Variants in MYO5A observed in about 807,000 individuals in gnomAD.
MYO5A encodes myosin VA, also known as unconventional myosin-Va.
A neutral mutation model predicts 249.7 loss-of-function variants in MYO5A; 98 were observed. That is an observed-to-expected ratio of 0.39 (90% CI 0.33 to 0.46). The LOEUF (loss-of-function observed/expected upper bound fraction) is 0.46, where lower values mean the gene tolerates loss of function less well. MYO5A is among the 20% of genes least tolerant of loss of function. The pLI is 0.98. For synonymous variants in MYO5A, 778 were observed against 810.6 expected (o/e 0.96, Z 0.68); for missense variants, 1,696 against 2,308.8 (o/e 0.73, Z 5.44).
At chr15:52,443,569 G>C (rs2075827119) in intron 1 of MYO5A, among the ~76,000 whole-genome samples, 1 of 151,636 alleles carries the variant, frequency 6.6e-6, no homozygotes, top group African/African-American at 2.4e-5. Flanking sequence ...AAATTAGCTG[G>C]GCATGGTGGT....
At chr15:52,461,702 C>T (rs1461440579) in intron 1 of MYO5A, among the ~76,000 whole-genome samples, 2 of 152,194 alleles carry the variant, frequency 1.3e-5, no homozygotes, top group Non-Finnish European at 2.9e-5. Flanking sequence ...GTCATTCACG[C>T]CTGTAATCCC....
At position 52,346,440 on chromosome 15, in the gene MYO5A, T is replaced by C. The variant is rs1162909820; in HGVS notation, c.3880A>G (p.Ile1294Val). The stretch of plus-strand genomic sequence containing the variant: ...ATTTTTTGTACATCTTCCAAAAGTA[T>C]TGTGGAATCTGTCATTGTATTCTGA... The part of the protein sequence containing the change: ...DDKNTMTDST[I>V]LLEDVQKMKD... The change falls in exon 30 of 42, where the codon ATA becomes GTA. Residue 1294 changes from isoleucine to valine, a missense_variant. Ile to Val is a conservative substitution (Grantham distance 29). This residue lies in a region of MYO5A where 625 missense variants were observed against 908.1 expected (regional missense o/e 0.69). Transcript: ENST00000399233. 8.8e-6 allele frequency: 14 copies of C among 1,599,250 alleles called. No homozygotes were observed. Among genetic ancestry groups the C allele is most frequent in the African/African-American group, 2.7e-5 (2 of 74,638 alleles).
chr15:52,361,738 G>T (rs1192924122), intron 24 of MYO5A, among the ~76,000 whole-genome samples: 1 of 152,124 alleles, frequency 6.6e-6, no homozygotes, highest in Non-Finnish European at 1.5e-5. Flanking sequence ...TTCCTTGTTG[G>T]TAACTTTTCA....
At chr15:52,365,877 G>A (rs1300456279) in intron 23 of MYO5A, among the ~76,000 whole-genome samples, 5 of 152,168 alleles carry the variant, frequency 3.3e-5, no homozygotes, top group Admixed American at 6.5e-5. Flanking sequence ...TTTCCTAGAA[G>A]ATTCTCATCA....
chr15:52,440,562 C>G (rs1252851971), intron 1 of MYO5A, among the ~76,000 whole-genome samples: 1 of 152,228 alleles, frequency 6.6e-6, no homozygotes, highest in African/African-American at 2.4e-5. Flanking sequence ...GTCACCGCAC[C>G]TGGCCCACCA....
intron 19 of MYO5A, 112 bp from the exon 20 acceptor site, chr15:52,375,572 G>A: frequency 1.8e-6 from 2 of 1,090,894 alleles, no homozygotes; most frequent in South Asian, 2.7e-5. Flanking sequence ...TACCTCCATT[G>A]TATTATTCTA....
intron 2 of MYO5A, among the ~76,000 whole-genome samples, chr15:52,429,614 TGGA>T (rs1024379259): frequency 1.3e-5 from 2 of 151,896 alleles, no homozygotes; most frequent in Non-Finnish European, 2.9e-5. Context: ...ACTTGAACCC[TGGA>T]GGCAGAGGTT....
intron 19 of MYO5A, 71 bp from the exon 20 acceptor site, chr15:52,375,531 TAA>T: frequency 6.6e-7 from 1 of 1,525,184 alleles, no homozygotes; most frequent in East Asian, 2.3e-5. Context: ...TAGAGAAACT[TAA>T]AGAGTGTCAC....
At chr15:52,506,966 T>A (rs1157206615) in intron 1 of MYO5A, among the ~76,000 whole-genome samples, 1 of 152,242 alleles carries the variant, frequency 6.6e-6, no homozygotes, top group Non-Finnish European at 1.5e-5. Context: ...ATTACATACT[T>A]AAGGATGGAA....
chr15:52,465,135 C>G (rs569669780), intron 1 of MYO5A, among the ~76,000 whole-genome samples: 5 of 152,116 alleles, frequency 3.3e-5, no homozygotes, highest in Non-Finnish European at 7.4e-5. Context: ...AAGATTATTA[C>G]GGAATTCTAT....
At chr15:52,456,850 C>A (rs1348421478) in intron 1 of MYO5A, among the ~76,000 whole-genome samples, 1 of 152,106 alleles carries the variant, frequency 6.6e-6, no homozygotes, top group Non-Finnish European at 1.5e-5. Flanking sequence ...AATGTAAGAT[C>A]TGAAACTTGT....
intron 23 of MYO5A, among the ~76,000 whole-genome samples, chr15:52,365,375 T>C (rs1369179093): frequency 6.6e-6 from 1 of 152,198 alleles, no homozygotes; most frequent in Non-Finnish European, 1.5e-5. Flanking sequence ...TTTGTGGCTG[T>C]GGTTTGCTTT....
At chr15:52,493,253 C>T (rs2076970842) in intron 1 of MYO5A, among the ~76,000 whole-genome samples, 1 of 152,158 alleles carries the variant, frequency 6.6e-6, no homozygotes, top group African/African-American at 2.4e-5. Flanking sequence ...TGGAGCATTG[C>T]AAATGAGATG....
chr15:52,491,349 T>C lies in MYO5A; in HGVS notation c.27+37431A>G, dbSNP rs1349149818. On this transcript the variant is annotated intron_variant, in intron 1 of 41. Coordinates refer to ENST00000399233, the MANE Select transcript of MYO5A (RefSeq NM_001382347.1). ...TTTCATTGCATAGAAAATTAATGCA[T>C]GTGGGGGTCTACAATTTTTAGTAGG... Among the ~76,000 whole-genome samples, 8 of 152,344 alleles carry C rather than the reference T, an allele frequency of 5.3e-5. No individual in the cohort carries two copies. In the East Asian group the frequency reaches 1.5e-3, roughly 29 times the overall value.
intron 9 of MYO5A, among the ~76,000 whole-genome samples, chr15:52,403,240 C>T (rs575705667): frequency 4.6e-5 from 7 of 152,222 alleles, no homozygotes; most frequent in African/African-American, 1.7e-4. Context: ...AATCAGAGTT[C>T]TTTTTAAAAA....
chr15:52,523,249 C>T (rs12324571), intron 1 of MYO5A, among the ~76,000 whole-genome samples: 2,464 of 110,712 alleles, frequency 0.022, 75 homozygotes, highest in African/African-American at 0.07. Flanking sequence ...CAGACCTTCA[C>T]CACTTCACAT....
chr15:52,483,186 A>C (rs1173099842), intron 1 of MYO5A, among the ~76,000 whole-genome samples: 1 of 152,126 alleles, frequency 6.6e-6, no homozygotes, highest in Non-Finnish European at 1.5e-5. Context: ...GAAATCCCCA[A>C]AACAGGACAC....
chr15:52,355,605 G>A (rs1324365692), intron 25 of MYO5A, among the ~76,000 whole-genome samples: 5 of 152,096 alleles, frequency 3.3e-5, no homozygotes, highest in African/African-American at 1.2e-4. Flanking sequence ...ATTGTCTTGG[G>A]TATTACAATA....
chr15:52,329,905 ATTTTTTTTTTTTTT>A (rs58058940), intron 35 of MYO5A, among the ~76,000 whole-genome samples: 5 of 119,738 alleles, frequency 4.2e-5, no homozygotes, highest in Non-Finnish European at 6.5e-5. Context: ...CGCCTGGGTA[ATTTTTTTTTTTTTT>A]TTTTTTTTTT....
Sources: allele counts gnomAD v4.1 joint callset (sites outside exome capture counted in the v4.1 genomes callset), GRCh38; gene constraint gnomAD v4.1.1; regional missense constraint gnomAD v4.1.1; transcripts MANE v1.5; gene names NCBI Gene and HGNC (gene_info 2026-07-23, HGNC 2026-07-21).